Variants in CRACD observed in about 807,000 individuals in gnomAD.
CRACD encodes the protein capping protein inhibiting regulator of actin dynamics, also known as capping protein-inhibiting regulator of actin dynamics.
Under a neutral mutation model 106.8 loss-of-function variants are expected in CRACD, and 56 were observed. That is an observed-to-expected ratio of 0.52 (90% CI 0.42 to 0.66). The LOEUF is 0.66. CRACD is among the 30% of genes least tolerant of loss of function. CRACD has a pLI of 0.00. For synonymous variants in CRACD, 754 were observed against 670.8 expected, an observed-to-expected ratio of 1.12 and a Z score of -1.92; for missense variants, 1,730 against 1,623.2, an observed-to-expected ratio of 1.07 and a Z score of -1.13.
chr4:56,323,111 C>T (rs1431481410), intron 8 of CRACD, among the ~76,000 whole-genome samples: 1 of 152,064 alleles, frequency 6.6e-6, no homozygotes, highest in Non-Finnish European at 1.5e-5. Context: ...ATGTTATGAC[C>T]CTGGAGATTT....
At chr4:56,058,437 G>C (rs1031741501) in intron 1 of CRACD, among the ~76,000 whole-genome samples, 1 of 152,176 alleles carries the variant, frequency 6.6e-6, no homozygotes, top group African/African-American at 2.4e-5. Flanking sequence ...TTTTTGGAAG[G>C]AGGAGAACTG....
chr4:56,203,721 G>A (rs1249921094), intron 2 of CRACD, among the ~76,000 whole-genome samples: 1 of 152,194 alleles, frequency 6.6e-6, no homozygotes, highest in Non-Finnish European at 1.5e-5. Context: ...CTTAATGAAA[G>A]CACAGTGTGG....
At chr4:56,089,927 T>C (rs1173615581) in intron 1 of CRACD, among the ~76,000 whole-genome samples, 4 of 152,166 alleles carry the variant, frequency 2.6e-5, no homozygotes, top group Non-Finnish European at 5.9e-5. Context: ...CATTAGTCTG[T>C]ATAAAAAGTT....
intron 1 of CRACD, among the ~76,000 whole-genome samples, chr4:56,162,163 A>G (rs77786058): frequency 0.053 from 8,113 of 151,810 alleles, 633 homozygotes; most frequent in East Asian, 0.4. Context: ...GTAGATTTTT[A>G]TTATTAGGCT....
intron 1 of CRACD, among the ~76,000 whole-genome samples, chr4:56,167,576 G>T (rs968346100): frequency 6.6e-6 from 1 of 152,082 alleles, no homozygotes; most frequent in African/African-American, 2.4e-5. Context: ...CTATGATTTG[G>T]ATCATGTTAG....
chr4:56,244,029 TC>T (rs1740527049), intron 2 of CRACD, among the ~76,000 whole-genome samples: 1 of 152,186 alleles, frequency 6.6e-6, no homozygotes, highest in Non-Finnish European at 1.5e-5. Context: ...CAAAGACTTT[TC>T]TTTTTCTCTT....
chr4:56,315,302 C>A lies in CRACD; in HGVS notation c.1800C>A (p.Gly600=), dbSNP rs367553040. The A allele has an allele frequency of 1.9e-6, 3 of 1,613,674 alleles. No individual in the cohort carries two copies. In the African/African-American group the frequency reaches 4.0e-5, roughly 22 times the overall value. The change falls in exon 8 of 11, where the codon GGC becomes GGA. Residue 600 remains glycine (G), a synonymous_variant. Coordinates refer to ENST00000682029, the MANE Select transcript of CRACD (RefSeq NM_001393381.1). This position sits in a 1 kb window ranked among gnomAD's most constrained non-coding sequence, Gnocchi z 4.1. ...SVPHTAILVT[G]AQLCGPAVNL... ...CCCACACCGCCATTCTGGTCACGGG[C>A]GCGCAGCTCTGTGGCCCGGCAGTCA...
chr4:56,245,560 C>T (rs541931069), intron 2 of CRACD, among the ~76,000 whole-genome samples: 1 of 152,340 alleles, frequency 6.6e-6, no homozygotes, highest in East Asian at 1.9e-4. Flanking sequence ...CCATTTCCTG[C>T]ACTGACTTTA....
chr4:56,251,694 A>T (rs1395357154), intron 2 of CRACD, among the ~76,000 whole-genome samples: 1 of 152,226 alleles, frequency 6.6e-6, no homozygotes, highest in Non-Finnish European at 1.5e-5. Context: ...TTGAGATCTC[A>T]GCAGTATGAA....
chr4:56,264,990 G>T (rs969339948), intron 2 of CRACD, among the ~76,000 whole-genome samples: 1 of 152,124 alleles, frequency 6.6e-6, no homozygotes, highest in Non-Finnish European at 1.5e-5. Flanking sequence ...AAGCTGCCAT[G>T]CTCACCTTAC....
chr4:56,076,218 C>T (rs1250623815), intron 1 of CRACD, among the ~76,000 whole-genome samples: 1 of 152,126 alleles, frequency 6.6e-6, no homozygotes, highest in African/African-American at 2.4e-5. Flanking sequence ...GTAAAGGGAG[C>T]CATGCCTAGT....
intron 1 of CRACD, among the ~76,000 whole-genome samples, chr4:56,172,651 ATCT>A (rs1461537469): frequency 6.9e-6 from 1 of 144,592 alleles, no homozygotes; most frequent in African/African-American, 2.6e-5. Context: ...TTGAGACAGC[ATCT>A]TGCTCTGTCA....
chr4:56,126,452 G>A (rs1304669383), intron 1 of CRACD, among the ~76,000 whole-genome samples: 1 of 152,174 alleles, frequency 6.6e-6, no homozygotes, highest in Admixed American at 6.5e-5. Context: ...GTTGAAGGTT[G>A]AATGAACTGT....
At position 56,263,896 on chromosome 4, in the gene CRACD, C is replaced by G. The variant is rs547887590; in HGVS notation, c.-188-8425C>G. Among the ~76,000 whole-genome samples the G allele has an allele frequency of 2.0e-3, 302 of 152,002 alleles. 2 individuals are homozygous for G. The highest frequency in any genetic ancestry group is 6.8e-3 in the African/African-American group (283 of 41,442). ...AGAATTTCATCACGTTGAGTTGTGC[C>G]CGATCTCTCTCTCTGTATTAGTCTG... On this transcript the variant is annotated intron_variant, in intron 2 of 10. Transcript: ENST00000682029.
chr4:56,164,372 G>A (rs1024746925), intron 1 of CRACD, among the ~76,000 whole-genome samples: 1 of 150,920 alleles, frequency 6.6e-6, no homozygotes, highest in Non-Finnish European at 1.5e-5. Flanking sequence ...CTGACCTCGT[G>A]ATCCACCTGC....
At chr4:56,163,892 C>T (rs1736047596) in intron 1 of CRACD, among the ~76,000 whole-genome samples, 1 of 152,056 alleles carries the variant, frequency 6.6e-6, no homozygotes, top group African/African-American at 2.4e-5. Flanking sequence ...ATTACAGGCC[C>T]ATGCCACCAT....
At chr4:56,199,759 A>G (rs1452727311) in intron 2 of CRACD, among the ~76,000 whole-genome samples, 1 of 151,978 alleles carries the variant, frequency 6.6e-6, no homozygotes, top group Non-Finnish European at 1.5e-5. Context: ...AATCTAACCA[A>G]TATTGTTCTG....
chr4:56,186,946 G>A (rs1203894551), intron 2 of CRACD, among the ~76,000 whole-genome samples: 1 of 151,972 alleles, frequency 6.6e-6, no homozygotes, highest in Non-Finnish European at 1.5e-5. Context: ...CACCCCTGTG[G>A]TCCCAGCTAC....
intron 2 of CRACD, among the ~76,000 whole-genome samples, chr4:56,186,720 C>G (rs970914536): frequency 1.3e-5 from 2 of 152,128 alleles, no homozygotes; most frequent in Admixed American, 1.3e-4. Context: ...TAACAGAGAA[C>G]TGTAAGTAGT....
Sources: allele counts gnomAD v4.1 joint callset (sites outside exome capture counted in the v4.1 genomes callset), GRCh38; gene constraint gnomAD v4.1.1; non-coding constraint Gnocchi (gnomAD v3.1); transcripts MANE v1.5; gene names NCBI Gene and HGNC (gene_info 2026-07-23, HGNC 2026-07-21).